NAT1: variants seen among roughly 807,000 people sequenced by gnomAD.
NAT1 encodes arylamine N-acetyltransferase 1.
For missense variants in NAT1, 400 were observed against 339.2 expected, an observed-to-expected ratio of 1.18 and a Z score of -1.41; for synonymous variants, 144 against 122.6, an observed-to-expected ratio of 1.17 and a Z score of -1.16.
At chr8:18,186,617 C>T (rs1193870582) in intron 2 of NAT1, among the ~76,000 whole-genome samples, 10 of 151,990 alleles carry the variant, frequency 6.6e-5, no homozygotes, top group Admixed American at 2.6e-4. Context: ...TTTATTTTCC[C>T]ATATGTACTT....
intron 2 of NAT1, among the ~76,000 whole-genome samples, chr8:18,179,854 G>A (rs554423068): frequency 6.6e-6 from 1 of 152,230 alleles, no homozygotes; most frequent in South Asian, 2.1e-4. Flanking sequence ...CACAAGGAAG[G>A]CACTGTTTCT....
At chr8:18,190,975 G>A (rs1319243445) in intron 2 of NAT1, among the ~76,000 whole-genome samples, 2 of 151,948 alleles carry the variant, frequency 1.3e-5, no homozygotes, top group African/African-American at 2.4e-5. Flanking sequence ...GCTGAGGCAG[G>A]AGAATCTCTT....
intron 2 of NAT1, among the ~76,000 whole-genome samples, chr8:18,187,844 C>T (rs149066430): frequency 2.0e-5 from 3 of 151,902 alleles, no homozygotes; most frequent in South Asian, 2.1e-4. Flanking sequence ...GCATATGCCC[C>T]GGAACCTAAA....
chr8:18,178,536 AGAC>A, intron 2 of NAT1, among the ~76,000 whole-genome samples: 2 of 152,266 alleles, frequency 1.3e-5, no homozygotes, highest in East Asian at 3.9e-4. Context: ...CAGGATGTGT[AGAC>A]AGCAGAGAAT....
chr8:18,220,013 C>G (rs1436302599), intron 2 of NAT1, among the ~76,000 whole-genome samples: 1 of 152,162 alleles, frequency 6.6e-6, no homozygotes, highest in Admixed American at 6.5e-5. Flanking sequence ...AAGCAAGAAT[C>G]AAATATCCAG....
chr8:18,206,101 C>T (rs1425257700), upstream of NAT1, among the ~76,000 whole-genome samples: 4 of 152,222 alleles, frequency 2.6e-5, no homozygotes, highest in Non-Finnish European at 5.9e-5. Flanking sequence ...CTAAGCAGCT[C>T]TCCCTGCCAA....
At chr8:18,192,057 A>G (rs1386659462) in intron 2 of NAT1, among the ~76,000 whole-genome samples, 2 of 151,330 alleles carry the variant, frequency 1.3e-5, no homozygotes, top group African/African-American at 4.9e-5. Context: ...CAGGCAACCT[A>G]CAAAATGGGA....
chr8:18,211,867 T>TGG (rs1804142643), intron 1 of NAT1, among the ~76,000 whole-genome samples: 2 of 152,184 alleles, frequency 1.3e-5, no homozygotes, highest in South Asian at 4.1e-4. Flanking sequence ...AGCCACTCAT[T>TGG]GGCTCTCCTT....
chr8:18,172,215 T>C (rs191946140), intron 2 of NAT1, among the ~76,000 whole-genome samples: 26 of 152,132 alleles, frequency 1.7e-4, no homozygotes, highest in Non-Finnish European at 3.1e-4. Context: ...AGCCAAACAC[T>C]AGAAGAAGAG....
At chr8:18,221,882 T>G in intron 2 of NAT1, 160 bp from the exon 3 acceptor site, 1 of 711,982 alleles carries the variant, frequency 1.4e-6, no homozygotes. Context: ...TAACTGAACT[T>G]ATGTGTGTAA....
At chr8:18,199,935 G>A (rs1716037777) in intron 2 of NAT1, among the ~76,000 whole-genome samples, 2 of 152,170 alleles carry the variant, frequency 1.3e-5, no homozygotes, top group South Asian at 4.1e-4. Flanking sequence ...TCACTAATCA[G>A]AGAAGTACAA....
At chr8:18,178,800 G>T (rs1024569604) in intron 2 of NAT1, among the ~76,000 whole-genome samples, 1 of 152,148 alleles carries the variant, frequency 6.6e-6, no homozygotes, top group African/African-American at 2.4e-5. Flanking sequence ...GTTTTGAACA[G>T]AGACTTCTAT....
chr8:18,195,989 G>A (rs1456615282), intron 2 of NAT1, among the ~76,000 whole-genome samples: 1 of 152,064 alleles, frequency 6.6e-6, no homozygotes, highest in Non-Finnish European at 1.5e-5. Flanking sequence ...CACTTTTATG[G>A]GGTACACAGA....
chr8:18,210,923 C>T lies in NAT1; in HGVS notation c.-86+743C>T, dbSNP rs1054513951. Among the ~76,000 whole-genome samples, 7 of 152,054 alleles carry T rather than the reference C, an allele frequency of 4.6e-5. No homozygotes were observed. In the East Asian group the frequency reaches 9.6e-4, roughly 21 times the overall value. Reference sequence around the variant, plus strand: ...CTGAGTAGCTGTGATTACAGGCACCCGCCACCATGCCTGGCTAATTTTTCT... The same window carrying T: ...CTGAGTAGCTGTGATTACAGGCACCTGCCACCATGCCTGGCTAATTTTTCT... On this transcript the variant is annotated intron_variant, in intron 1 of 2. Coordinates refer to ENST00000307719, the MANE Select transcript of NAT1 (RefSeq NM_000662.8).
intron 1 of NAT1, among the ~76,000 whole-genome samples, chr8:18,215,438 T>C (rs1804554377): frequency 6.6e-6 from 1 of 152,262 alleles, no homozygotes; most frequent in Admixed American, 6.5e-5. Context: ...ATATTGTATC[T>C]ATATGGTTCC....
chr8:18,206,680 TA>T (rs1290886948), upstream of NAT1, among the ~76,000 whole-genome samples: 5 of 152,252 alleles, frequency 3.3e-5, no homozygotes, highest in Admixed American at 6.5e-5. Flanking sequence ...TTTTTTCTGG[TA>T]AACTTGTTTA....
In NAT1 at chr8:18,223,023, A is replaced by C. The variant is rs1805512671; in HGVS notation, c.*103A>C. 7 of 861,842 alleles carry C rather than the reference A, an allele frequency of 8.1e-6. No homozygotes were observed. The highest frequency in any genetic ancestry group is 8.0e-6 in the Non-Finnish European group (5 of 627,456). 53.4% of individuals were successfully genotyped at this position (861,842 alleles called of 1,614,324 possible). On this transcript the variant is annotated 3_prime_UTR_variant, in exon 3 of 3. Transcript: ENST00000307719. ...GTACCCTTACCTTATTTTGAAGAAA[A>C]TCCTAGACATCAAATCATTTCACCT...
intron 2 of NAT1, among the ~76,000 whole-genome samples, chr8:18,190,707 A>G (rs910175440): frequency 6.6e-6 from 1 of 152,176 alleles, no homozygotes; most frequent in Non-Finnish European, 1.5e-5. Flanking sequence ...CAAAGAAAGC[A>G]AGCTGGCCCT....
chr8:18,211,620 G>A (rs1353219155), intron 1 of NAT1, among the ~76,000 whole-genome samples: 1 of 152,130 alleles, frequency 6.6e-6, no homozygotes, highest in South Asian at 2.1e-4. Context: ...GCATTAAATG[G>A]GAGCAGTGAG....
Sources: gnomAD v4.1 joint callset for allele counts (sites outside exome capture counted in the v4.1 genomes callset) on GRCh38, gnomAD v4.1.1 for gene constraint, MANE v1.5 for transcripts, NCBI Gene and HGNC (gene_info 2026-07-23, HGNC 2026-07-21) for gene names.